Variants in SMPD3 observed in about 807,000 individuals in gnomAD.
The protein encoded by SMPD3 is nSMase-2.
Under a neutral mutation model 55.7 loss-of-function variants are expected in SMPD3, and 21 were observed. The observed-to-expected ratio is 0.38, with a 90% CI of 0.27 to 0.54. SMPD3 has a LOEUF of 0.54. Ranked by LOEUF, SMPD3 falls within the 20% of genes least tolerant of loss-of-function variation. The pLI, the probability that SMPD3 is intolerant of heterozygous loss-of-function variation, is 0.80. For synonymous variants in SMPD3, 457 were observed against 404.3 expected (o/e 1.13, Z -1.56); for missense variants, 842 against 899.6 (o/e 0.94, Z 0.82).
intron 2 of SMPD3, among the ~76,000 whole-genome samples, chr16:68,376,639 A>G (rs1567789832): frequency 6.6e-6 from 1 of 152,070 alleles, no homozygotes; most frequent in Non-Finnish European, 1.5e-5. Context: ...CCCCAACACC[A>G]TGCTCTCCAG....
intron 1 of SMPD3, among the ~76,000 whole-genome samples, chr16:68,398,553 G>A (rs1031971148): frequency 2.0e-5 from 3 of 152,280 alleles, no homozygotes; most frequent in South Asian, 4.1e-4. Flanking sequence ...AAAAGCTGGC[G>A]ATTCACTTTT....
intron 1 of SMPD3, among the ~76,000 whole-genome samples, chr16:68,438,032 C>T (rs2090537311): frequency 6.6e-6 from 1 of 152,084 alleles, no homozygotes; most frequent in African/African-American, 2.4e-5. Context: ...TTGCAATGAC[C>T]CCAACTCAGG....
chr16:68,421,385 G>A (rs1434509682), intron 1 of SMPD3, among the ~76,000 whole-genome samples: 1 of 152,228 alleles, frequency 6.6e-6, no homozygotes, highest in Non-Finnish European at 1.5e-5. Flanking sequence ...ATGAGGGGGA[G>A]CCACAAAAGG....
chr16:68,365,224 C>T (rs376202210), intron 3 of SMPD3, 132 bp from the exon 4 acceptor site: 20 of 845,180 alleles, frequency 2.4e-5, no homozygotes, highest in African/African-American at 8.4e-5. Context: ...TTCTGGGGTC[C>T]GAGTAGGGAC....
At chr16:68,412,506 G>A (rs1393243074) in intron 1 of SMPD3, among the ~76,000 whole-genome samples, 1 of 152,194 alleles carries the variant, frequency 6.6e-6, no homozygotes, top group Non-Finnish European at 1.5e-5. Flanking sequence ...TCAAAATGGT[G>A]GCCACAGCAC....
At chr16:68,420,201 C>G (rs1391363822) in intron 1 of SMPD3, among the ~76,000 whole-genome samples, 2 of 152,084 alleles carry the variant, frequency 1.3e-5, no homozygotes, top group African/African-American at 4.8e-5. Context: ...CCTCAGCCTC[C>G]CAAAGTGCTG....
At chr16:68,365,988 C>T (rs1323120517) in intron 3 of SMPD3, among the ~76,000 whole-genome samples, 1 of 152,182 alleles carries the variant, frequency 6.6e-6, no homozygotes, top group Non-Finnish European at 1.5e-5. Flanking sequence ...GGCCGCTTAC[C>T]AGCTCCTCAT....
chr16:68,438,775 T>TGACCCACAAATC (rs2090544952), intron 1 of SMPD3, among the ~76,000 whole-genome samples: 1 of 152,154 alleles, frequency 6.6e-6, no homozygotes, highest in African/African-American at 2.4e-5. Context: ...CTCCACAAGT[T>TGACCCACAAATC]GACCCACAAA....
chr16:68,432,785 T>C (rs1317128822), intron 1 of SMPD3, among the ~76,000 whole-genome samples: 1 of 152,222 alleles, frequency 6.6e-6, no homozygotes, highest in Non-Finnish European at 1.5e-5. Context: ...CGTCTGGTTT[T>C]AAAAATTTGA....
intron 1 of SMPD3, among the ~76,000 whole-genome samples, chr16:68,430,736 A>G (rs976074695): frequency 6.6e-6 from 1 of 152,206 alleles, no homozygotes; most frequent in African/African-American, 2.4e-5. Flanking sequence ...ACAGCAAGAA[A>G]TACTGTTTGG....
chr16:68,443,140 G>T (rs1331523822), intron 1 of SMPD3, among the ~76,000 whole-genome samples: 3 of 152,196 alleles, frequency 2.0e-5, no homozygotes, highest in Admixed American at 2.0e-4. Flanking sequence ...TGTGTTGCAA[G>T]ATTGGAGCAG....
chr16:68,395,974 G>A (rs944953698), intron 1 of SMPD3, among the ~76,000 whole-genome samples: 1 of 152,222 alleles, frequency 6.6e-6, no homozygotes, highest in Non-Finnish European at 1.5e-5. Context: ...CCTCAACTCA[G>A]TGTGCCTGGC....
At chr16:68,422,840 G>A (rs918421621) in intron 1 of SMPD3, among the ~76,000 whole-genome samples, 4 of 152,162 alleles carry the variant, frequency 2.6e-5, no homozygotes, top group African/African-American at 9.7e-5. Context: ...CTTCGTTAAA[G>A]TGAGGAGGTT....
chr16:68,364,899 G>T lies in SMPD3; in HGVS notation c.1407C>A (p.Ser469Arg), dbSNP rs779060762. ...CTHLHAPQED[S>R]AIRCGQLDLL... ...GGTCCAGCTGCCCACACCGGATGGCGCTGTCCTCTGCAGGGCAGAAGTACA... is the reference window on the plus strand; with the variant it reads ...GGTCCAGCTGCCCACACCGGATGGCTCTGTCCTCTGCAGGGCAGAAGTACA... Residue 469 changes from serine (S) to arginine (R), a missense_variant, in exon 5 of 9, where the codon AGC (serine) becomes AGA (arginine). Around this residue, in one of 2 missense-constraint regions of SMPD3, gnomAD observed 649 missense variants for 643.6 expected, o/e 1.01. Transcript: ENST00000219334. The T allele has an allele frequency of 6.2e-7, 1 of 1,613,582 alleles. No homozygotes were observed. Among genetic ancestry groups the T allele is most frequent in the Non-Finnish European group, 8.5e-7 (1 of 1,179,776 alleles).
chr16:68,363,751 A>G, intron 6 of SMPD3, 26 bp downstream of exon 6: 1 of 1,549,238 alleles, frequency 6.5e-7, no homozygotes, highest in Non-Finnish European at 8.7e-7. Flanking sequence ...CCCAGCTCCC[A>G]TCCTCCTCCC....
intron 2 of SMPD3, among the ~76,000 whole-genome samples, chr16:68,376,972 C>G (rs377024344): frequency 1.3e-5 from 2 of 152,214 alleles, no homozygotes; most frequent in African/African-American, 2.4e-5. Context: ...CTTCCCTACC[C>G]GCTCCTGGTA....
chr16:68,423,371 G>A (rs2090411339), intron 1 of SMPD3, among the ~76,000 whole-genome samples: 1 of 152,142 alleles, frequency 6.6e-6, no homozygotes, highest in Non-Finnish European at 1.5e-5. Context: ...TTGGAGGTGA[G>A]GCCTATGGGT....
chr16:68,361,671 T>C lies in SMPD3; in HGVS notation c.1798A>G (p.Lys600Glu). 6.2e-7 allele frequency: 1 copy of C among 1,612,782 alleles called. No homozygotes were observed. Reference protein sequence around the residue: ...SGQKGRKELLKGNGRRIDYML... With the variant: ...SGQKGRKELLEGNGRRIDYML... ...TAGTCGATGCGCCGGCCGTTGCCCT[T>C]CAGCAGCTCCTTCCGCCCCTTCTGG... is the stretch of plus-strand genomic sequence containing the variant. The change falls in exon 8 of 9, where the codon AAG becomes GAG. Residue 600 changes from lysine to glutamate, a missense_variant. Transcript: ENST00000219334.
Position 68,441,739 on chromosome 16 carries a change from G to A in SMPD3, c.-269+6614C>T, listed in dbSNP as rs148331995. ...CTTTTCCTATTTTTTTCTATTATTT[G>A]TTTCTATTTCAACTTTATTTTAAAA... On this transcript the variant is annotated intron_variant, in intron 1 of 8. Coordinates refer to ENST00000219334, the MANE Select transcript of SMPD3 (RefSeq NM_018667.4). Among the ~76,000 whole-genome samples the A allele has an allele frequency of 5.2e-3, 790 of 151,846 alleles. 4 individuals are homozygous for A. Among genetic ancestry groups the A allele is most frequent in the African/African-American group, 0.017 (724 of 41,430 alleles).
Sources: allele counts gnomAD v4.1 joint callset (sites outside exome capture counted in the v4.1 genomes callset), GRCh38; gene constraint gnomAD v4.1.1; regional missense constraint gnomAD v4.1.1; transcripts MANE v1.5; gene names NCBI Gene and HGNC (gene_info 2026-07-23, HGNC 2026-07-21).